Variants in HCN2 observed in about 807,000 individuals in gnomAD.
The protein encoded by HCN2 is hyperpolarization activated cyclic nucleotide gated potassium and sodium channel 2.
HCN2 carries 20 observed loss-of-function variants against 52.3 expected under a neutral mutation model. That is an observed-to-expected ratio of 0.38 (90% CI 0.27 to 0.56). The LOEUF is 0.56. HCN2 is among the 20% of genes least tolerant of loss of function. The probability of loss-of-function intolerance (pLI) is 0.71; values close to 1 mark genes in which losing one functional copy is unlikely to be tolerated. For missense variants in HCN2, 981 were observed against 1,207.7 expected, an observed-to-expected ratio of 0.81 and a Z score of 2.78; for synonymous variants, 694 against 537.0, an observed-to-expected ratio of 1.29 and a Z score of -4.04.
At chr19:615,336 C>T (rs192980090) in intron 7 of HCN2, among the ~76,000 whole-genome samples, 3 of 151,302 alleles carry the variant, frequency 2.0e-5, no homozygotes, top group African/African-American at 2.5e-5. Flanking sequence ...GGTGAAACCC[C>T]GTCTCTACTA....
chr19:590,139 C>T lies in HCN2; in HGVS notation c.194C>T (p.Ala65Val), dbSNP rs1982821463. The T allele has an allele frequency of 2.5e-5, 24 of 952,540 alleles. No individual in the cohort carries two copies. The highest frequency in any genetic ancestry group is 2.9e-5 in the Non-Finnish European group (23 of 804,358). The allele number at this position is 952,540 out of a possible 1,614,324, so 59.0% of individuals were successfully genotyped here. A position where few individuals can be genotyped will look rare whatever the true frequency, so the allele number is the denominator to read the frequency against. ...CGGGCCGAGGCGTTGCCCCCGGAGG[C>T]GGCGGATGAGGGCGGCCCGCGGGGC... ...PPRAEALPPEAADEGGPRGRL... is the reference protein window; with the variant it reads ...PPRAEALPPEVADEGGPRGRL... Residue 65 changes from alanine to valine, a missense_variant, in exon 1 of 8, where the codon GCG becomes GTG. By Grantham distance (64) the Ala-to-Val change is moderately conservative. Around this residue, in one of 6 missense-constraint regions of HCN2, gnomAD observed 215 missense variants for 179.4 expected, o/e 1.20. Transcript: ENST00000251287. This position sits in a 1 kb window ranked among gnomAD's most constrained non-coding sequence, Gnocchi z 7.2.
intron 6 of HCN2, 37 bp from the exon 7 acceptor site, chr19:613,815 C>T (rs780976109): frequency 1.4e-6 from 2 of 1,475,588 alleles, no homozygotes; most frequent in South Asian, 2.7e-5. Flanking sequence ...GCGGCGCCCG[C>T]CTCGTCCAGC....
In HCN2 at chr19:614,028, G is replaced by GGGGCGGGTGCCCTGGCGGGGGA. The variant is rs1983788580; in HGVS notation, c.1990+15_1990+16insCGGGTGCCCTGGCGGGGGAGGG. 3 of 1,390,828 alleles carry GGGGCGGGTGCCCTGGCGGGGGA rather than the reference G, an allele frequency of 2.2e-6. No homozygotes were observed. Among genetic ancestry groups the GGGGCGGGTGCCCTGGCGGGGGA allele is most frequent in the African/African-American group, 1.7e-5 (1 of 58,100 alleles). The allele number at this position is 1,390,828 out of a possible 1,614,324, so 86.2% of individuals were successfully genotyped here. A position where few individuals can be genotyped will look rare whatever the true frequency, so the allele number is the denominator to read the frequency against. On this transcript the variant is annotated intron_variant, in intron 7 of 7. Coordinates refer to ENST00000251287, the MANE Select transcript of HCN2 (RefSeq NM_001194.4). ...CCTGGACCGCATCGGTGAGCGGGCC[G>GGGGCGGGTGCCCTGGCGGGGGA]GGGGCGTGGCCGGGGCGGGTGCCCT... is the stretch of plus-strand genomic sequence containing the variant.
Position 591,698 on chromosome 19 carries a change from T to G in HCN2, c.632+1121T>G, listed in dbSNP as rs28580097. ...AGCACCACGGACAGCGCGCCGGACC[T>G]GGGAAGCCTGCGGTTTTCCCGCCTG... On this transcript the variant is annotated intron_variant, in intron 1 of 7. Transcript: ENST00000251287. This position sits in a 1 kb window ranked among gnomAD's most constrained non-coding sequence, Gnocchi z 4.1. Among the ~76,000 whole-genome samples the G allele has an allele frequency of 0.084, 12,748 of 152,086 alleles. 1,051 individuals are homozygous for G. The highest frequency in any genetic ancestry group is 0.21 in the African/African-American group (8,806 of 41,472).
intron 1 of HCN2, among the ~76,000 whole-genome samples, chr19:594,219 G>C (rs1158255222): frequency 2.2e-5 from 1 of 45,942 alleles, no homozygotes; most frequent in Non-Finnish European, 3.7e-5. Flanking sequence ...CCCTGCCCCC[G>C]GTGTCACCGA....
chr19:594,942 T>C (rs1982979709), intron 1 of HCN2, among the ~76,000 whole-genome samples: 1 of 152,158 alleles, frequency 6.6e-6, no homozygotes, highest in Non-Finnish European at 1.5e-5. Context: ...GGCTCATGCC[T>C]GTAATGCCAG....
At chr19:613,521 G>A in intron 6 of HCN2, 33 bp downstream of exon 6, 2 of 967,202 alleles carry the variant, frequency 2.1e-6, no homozygotes, top group Non-Finnish European at 1.5e-6. Context: ...TGGAGGGGGA[G>A]GGGGCACGCG....
chr19:603,557 T>G lies in HCN2; in HGVS notation c.646T>G (p.Phe216Val), dbSNP rs764621033. The G allele has an allele frequency of 3.7e-6, 6 of 1,604,994 alleles. No homozygotes were observed. The highest frequency in any genetic ancestry group is 5.1e-6 in the Non-Finnish European group (6 of 1,174,158). The change falls in exon 2 of 8, where the codon TTC becomes GTC. Residue 216 changes from phenylalanine to valine, a missense_variant. Transcript: ENST00000251287. ...PYSDFRFYWDFTMLLFMVGNL... is the reference protein window; with the variant it reads ...PYSDFRFYWDVTMLLFMVGNL... The stretch of plus-strand genomic sequence containing the variant: ...CCTCGCCCCCAGGTTCTACTGGGAC[T>G]TCACCATGCTGCTGTTCATGGTGGG...
intron 7 of HCN2, among the ~76,000 whole-genome samples, chr19:614,679 C>T (rs535102067): frequency 1.2e-4 from 18 of 151,812 alleles, no homozygotes; most frequent in African/African-American, 3.1e-4. Context: ...GCCCAGTGGG[C>T]GGCAGGGAGA....
rs941296023 is a variant in HCN2, at chr19:592,274, G to A, written c.632+1697G>A. Among the ~76,000 whole-genome samples, 1 of 152,208 alleles carries A rather than the reference G, an allele frequency of 6.6e-6. No homozygotes were observed. The highest frequency in any genetic ancestry group is 1.5e-5 in the Non-Finnish European group (1 of 68,020). ...TCGACAGAGATGGGTGCACCGCAGC[G>A]TGGGGGCTGGCAGGTGGAGGCCCAC... On this transcript the variant is annotated intron_variant, in intron 1 of 7. Transcript: ENST00000251287. The surrounding 1 kb of genome is among the most constrained non-coding windows in gnomAD (Gnocchi z 4.8).
rs372319430 is a variant in HCN2 at position 615,255 on chromosome 19, G to A, written c.1991-540G>A. On this transcript the variant is annotated intron_variant, in intron 7 of 7. Coordinates refer to ENST00000251287, the MANE Select transcript of HCN2 (RefSeq NM_001194.4). The stretch of plus-strand genomic sequence containing the variant: ...CCAGGCGCGGTGGCTCACGCCTGTA[G>A]TCCCAGCACTTTCGGAGGCCAAGGT... 6.6e-3 allele frequency among the ~76,000 whole-genome samples: 1,009 copies of A among 152,130 alleles called. 5 individuals are homozygous for A. The highest frequency in any genetic ancestry group is 0.023 in the African/African-American group (972 of 41,470).
chr19:600,295 C>T (rs1427979584), intron 1 of HCN2, among the ~76,000 whole-genome samples: 2 of 152,198 alleles, frequency 1.3e-5, no homozygotes, highest in African/African-American at 4.8e-5. Flanking sequence ...GCTTCAGCGT[C>T]CCGAGTAGCT....
Position 613,895 on chromosome 19 carries a change from G to A in HCN2, c.1869G>A (p.Arg623=). 5.0e-6 allele frequency: 8 copies of A among 1,601,152 alleles called. No individual in the cohort carries two copies. Among genetic ancestry groups the A allele is most frequent in the Non-Finnish European group, 6.8e-6 (8 of 1,173,850 alleles). The change falls in exon 7 of 8, where the codon CGG becomes CGA. Residue 623 remains arginine, a synonymous_variant. Coordinates refer to ENST00000251287, the MANE Select transcript of HCN2 (RefSeq NM_001194.4). ...LTRGRRTASV[R]ADTYCRLYSL... ...GGGGCCGCCGCACGGCGAGCGTGCGGGCTGACACCTACTGCCGCCTCTATT... is the reference window on the plus strand; with the variant it reads ...GGGGCCGCCGCACGGCGAGCGTGCGAGCTGACACCTACTGCCGCCTCTATT...
intron 4 of HCN2, among the ~76,000 whole-genome samples, chr19:608,410 G>A (rs1311305041): frequency 6.6e-6 from 1 of 152,114 alleles, no homozygotes; most frequent in Non-Finnish European, 1.5e-5. Flanking sequence ...TGAGGGGAGA[G>A]GCAGTCTCAG....
At chr19:594,676 T>G (rs923007700) in intron 1 of HCN2, among the ~76,000 whole-genome samples, 21 of 152,212 alleles carry the variant, frequency 1.4e-4, no homozygotes, top group African/African-American at 4.6e-4. Flanking sequence ...GGCGTGGGAA[T>G]AAACCCCCCA....
Position 590,877 on chromosome 19 carries a change from G to A in HCN2, c.632+300G>A, listed in dbSNP as rs938323903. The A allele has an allele frequency of 1.4e-5, 3 of 210,754 alleles. No homozygotes were observed. The highest frequency in any genetic ancestry group is 5.9e-5 in the Admixed American group (1 of 16,834). 13.1% of individuals were successfully genotyped at this position (210,754 alleles called of 1,614,324 possible). ...GCAGGGCCAGGGTCTGAGCGCAGAG[G>A]GGCAGAGAGGACGAATAGAGGGGAA... On this transcript the variant is annotated intron_variant, in intron 1 of 7. Transcript: ENST00000251287. This position sits in a 1 kb window ranked among gnomAD's most constrained non-coding sequence, Gnocchi z 7.2.
At chr19:604,914 TGCAGGGTGGGGCGGGGGTCC>T in intron 2 of HCN2, 127 bp from the exon 3 acceptor site, 2 of 757,646 alleles carry the variant, frequency 2.6e-6, no homozygotes, top group Non-Finnish European at 3.8e-6. Context: ...GGGGCAGGGC[TGCAGGGTGGGGCGGGGGTCC>T]TGTGCGGGGC....
chr19:593,492 C>A (rs1232201162), intron 1 of HCN2, among the ~76,000 whole-genome samples: 2 of 152,122 alleles, frequency 1.3e-5, no homozygotes, highest in African/African-American at 2.4e-5. Context: ...TCGTGACGAG[C>A]GCCTGTAATC....
intron 3 of HCN2, among the ~76,000 whole-genome samples, chr19:606,667 A>G (rs906495947): frequency 2.6e-5 from 4 of 151,426 alleles, no homozygotes; most frequent in African/African-American, 7.3e-5. Flanking sequence ...AGCCTGACCA[A>G]CATGCTGAAA....
Sources: allele counts gnomAD v4.1 joint callset (sites outside exome capture counted in the v4.1 genomes callset), GRCh38; gene constraint gnomAD v4.1.1; regional missense constraint gnomAD v4.1.1; non-coding constraint Gnocchi (gnomAD v3.1); transcripts MANE v1.5; gene names NCBI Gene and HGNC (gene_info 2026-07-23, HGNC 2026-07-21).